CRADD: variants seen among roughly 807,000 people sequenced by gnomAD.
CRADD encodes the protein CARD and death domain containing adaptor protein, also known as death domain-containing protein CRADD.
CRADD carries 9 observed loss-of-function variants against 15.5 expected under a neutral mutation model. The ratio of observed to expected loss-of-function variants is 0.58; its 90% CI spans 0.35 to 1.01. CRADD has a LOEUF of 1.01. CRADD is among the 50% of genes least tolerant of loss of function. The probability of loss-of-function intolerance (pLI) is 0.02; values close to 1 mark genes in which losing one functional copy is unlikely to be tolerated. For missense variants in CRADD, 227 were observed against 250.3 expected (o/e 0.91, Z 0.63); for synonymous variants, 118 against 107.6 (o/e 1.10, Z -0.60).
intron 2 of CRADD, among the ~76,000 whole-genome samples, chr12:93,812,116 AG>A: frequency 6.6e-6 from 1 of 152,326 alleles, no homozygotes; most frequent in South Asian, 2.1e-4. Context: ...CCTTCGGGGA[AG>A]GGAGTAAGGG....
chr12:93,809,798 A>G (rs953606535), intron 2 of CRADD, among the ~76,000 whole-genome samples: 2 of 152,206 alleles, frequency 1.3e-5, no homozygotes, highest in African/African-American at 4.8e-5. Flanking sequence ...AACTAAATCC[A>G]TAGCCCTCCC....
intron 2 of CRADD, among the ~76,000 whole-genome samples, chr12:93,891,031 G>A (rs1405573749): frequency 6.6e-6 from 1 of 151,754 alleles, no homozygotes; most frequent in African/African-American, 2.4e-5. Context: ...TTACAGGCAT[G>A]AGCCACCACG....
intron 2 of CRADD, chr12:93,826,945 C>T (rs1013922291): frequency 2.0e-5 from 3 of 152,262 alleles, no homozygotes; most frequent in Admixed American, 6.5e-5. Context: ...CCACAGTGAT[C>T]AAGACTGTGA....
intron 2 of CRADD, among the ~76,000 whole-genome samples, chr12:93,777,739 A>G (rs960835809): frequency 2.6e-5 from 4 of 152,198 alleles, no homozygotes; most frequent in African/African-American, 7.2e-5. Context: ...ATGAGGGTTA[A>G]TCTCACGGTA....
chr12:93,765,398 C>T (rs539504845), intron 2 of CRADD, among the ~76,000 whole-genome samples: 12 of 152,278 alleles, frequency 7.9e-5, no homozygotes, highest in South Asian at 2.1e-4. Flanking sequence ...GCGGGATCCA[C>T]GCAGCTCTCT....
intron 2 of CRADD, among the ~76,000 whole-genome samples, chr12:93,860,245 G>C (rs1958309041): frequency 6.6e-6 from 1 of 151,980 alleles, no homozygotes; most frequent in South Asian, 2.1e-4. Context: ...TATTTAATTT[G>C]AGTAAAGAAA....
chr12:93,750,852 A>C, intron 2 of CRADD, among the ~76,000 whole-genome samples: 1 of 152,254 alleles, frequency 6.6e-6, no homozygotes, highest in African/African-American at 2.4e-5. Context: ...CAGATGTCAC[A>C]ATAAGGGAAA....
At chr12:93,872,646 C>G (rs1380308739) in intron 2 of CRADD, among the ~76,000 whole-genome samples, 1 of 152,014 alleles carries the variant, frequency 6.6e-6, no homozygotes, top group Admixed American at 6.6e-5. Context: ...TTCCTAACAC[C>G]ATTTGTTGAA....
intron 2 of CRADD, among the ~76,000 whole-genome samples, chr12:93,798,278 A>G (rs1005817674): frequency 2.6e-5 from 4 of 152,170 alleles, no homozygotes; most frequent in Admixed American, 6.5e-5. Context: ...TTGCTGGATG[A>G]ATGTTCTTGG....
intron 2 of CRADD, among the ~76,000 whole-genome samples, chr12:93,843,084 T>C (rs368561696): frequency 6.6e-6 from 1 of 152,162 alleles, no homozygotes; most frequent in African/African-American, 2.4e-5. Flanking sequence ...CAATGTCTGG[T>C]GGTTTTAACC....
intron 2 of CRADD, among the ~76,000 whole-genome samples, chr12:93,821,627 A>G (rs2137019453): frequency 6.6e-6 from 1 of 152,380 alleles, no homozygotes; most frequent in Non-Finnish European, 1.5e-5. Flanking sequence ...GAGGGCCAAG[A>G]TGGTATTCTA....
intron 2 of CRADD, among the ~76,000 whole-genome samples, chr12:93,846,871 C>A (rs1053070000): frequency 6.6e-6 from 1 of 152,160 alleles, no homozygotes; most frequent in Non-Finnish European, 1.5e-5. Context: ...GAGGCTGAGG[C>A]AGGCGGATCA....
intron 2 of CRADD, among the ~76,000 whole-genome samples, chr12:93,834,877 A>C (rs1009616828): frequency 6.6e-6 from 1 of 152,232 alleles, no homozygotes; most frequent in Non-Finnish European, 1.5e-5. Context: ...GGAACAGATC[A>C]AGGGGCTTAG....
At chr12:93,843,476 G>A (rs1174966431) in intron 2 of CRADD, among the ~76,000 whole-genome samples, 1 of 149,046 alleles carries the variant, frequency 6.7e-6, no homozygotes, top group East Asian at 2.0e-4. Context: ...GCCTCCCAGA[G>A]TCAAACAATT....
intron 2 of CRADD, among the ~76,000 whole-genome samples, chr12:93,839,741 C>A (rs952189794): frequency 1.3e-5 from 2 of 152,176 alleles, no homozygotes; most frequent in East Asian, 3.8e-4. Context: ...CCTGTTCATA[C>A]CTTTGTTCTG....
chr12:93,894,416 C>T, exon 3 of CRADD: 1 of 362,450 alleles, frequency 2.8e-6, no homozygotes. Context: ...CTGGTCTATA[C>T]AGAGCTCAGC....
intron 2 of CRADD, among the ~76,000 whole-genome samples, chr12:93,870,070 T>C (rs1441134914): frequency 1.3e-5 from 2 of 151,850 alleles, no homozygotes; most frequent in African/African-American, 2.4e-5. Flanking sequence ...TACGTGGAAA[T>C]AAATATAAGA....
At chr12:93,681,399 T>C (rs1051414006) in intron 2 of CRADD, among the ~76,000 whole-genome samples, 1 of 152,158 alleles carries the variant, frequency 6.6e-6, no homozygotes, top group Non-Finnish European at 1.5e-5. Context: ...CTGTAGAAGG[T>C]TGGCTCTGGA....
intron 2 of CRADD, among the ~76,000 whole-genome samples, chr12:93,848,508 G>A (rs1958163549): frequency 4.6e-5 from 7 of 152,204 alleles, no homozygotes; most frequent in Admixed American, 4.6e-4. Flanking sequence ...AGTGTACTGT[G>A]CTGTCAAACA....
Sources: gnomAD v4.1 joint callset for allele counts (sites outside exome capture counted in the v4.1 genomes callset) on GRCh38, gnomAD v4.1.1 for gene constraint, MANE v1.5 for transcripts, NCBI Gene and HGNC (gene_info 2026-07-23, HGNC 2026-07-21) for gene names.